The following CNNM2 variants were observed in gnomAD, a reference collection of about 807,000 sequenced individuals.
CNNM2 encodes the protein cyclin and CBS domain divalent metal cation transport mediator 2, also known as metal transporter CNNM2.
CNNM2 carries 12 observed loss-of-function variants against 66.9 expected under a neutral mutation model. The observed-to-expected ratio is 0.18, with a 90% CI of 0.11 to 0.29. The LOEUF is 0.29. Among genes scored for constraint, CNNM2 ranks in the 10% least tolerant of loss-of-function variants. CNNM2 has a pLI of 1.00. For missense variants in CNNM2, 705 were observed against 1,167.7 expected (o/e 0.60, Z 5.77); for synonymous variants, 557 against 501.8 (o/e 1.11, Z -1.47).
rs149670385 is a variant in CNNM2 at position 102,941,387 on chromosome 10, C to T, written c.1621+21286C>T. Among the ~76,000 whole-genome samples, 290 of 152,198 alleles carry T rather than the reference C, an allele frequency of 1.9e-3. 2 individuals carry two copies. Among genetic ancestry groups the T allele is most frequent in the Non-Finnish European group, 9.4e-4 (64 of 68,002 alleles). On this transcript the variant is annotated intron_variant, in intron 1 of 7. Coordinates refer to ENST00000369878, the MANE Select transcript of CNNM2 (RefSeq NM_017649.5). ...CCTACCAAAGTGCTGGGATTACAGGCGTGAGCCACTGTGCCCAGTTGATAT... is the reference window on the plus strand; with the variant it reads ...CCTACCAAAGTGCTGGGATTACAGGTGTGAGCCACTGTGCCCAGTTGATAT...
At chr10:103,051,057 G>A (rs1022590089) in intron 2 of CNNM2, among the ~76,000 whole-genome samples, 6 of 152,126 alleles carry the variant, frequency 3.9e-5, no homozygotes, top group Admixed American at 1.3e-4. Flanking sequence ...ATGGCTTGGC[G>A]GAGGGGAAAT....
intron 3 of CNNM2, among the ~76,000 whole-genome samples, chr10:103,056,341 C>G (rs1029616237): frequency 5.9e-5 from 9 of 151,850 alleles, no homozygotes; most frequent in Admixed American, 1.3e-4. Context: ...CCCCACATTC[C>G]TTGGGGTAGT....
chr10:103,058,646 A>G (rs1352107437), intron 4 of CNNM2, among the ~76,000 whole-genome samples: 2 of 152,218 alleles, frequency 1.3e-5, no homozygotes, highest in Non-Finnish European at 2.9e-5. Context: ...TTGTATACCA[A>G]TTTGTGTTAA....
At chr10:103,060,127 C>G (rs1264444218) in intron 4 of CNNM2, among the ~76,000 whole-genome samples, 1 of 150,812 alleles carries the variant, frequency 6.6e-6, no homozygotes, top group Non-Finnish European at 1.5e-5. Flanking sequence ...ACAGAGTGAG[C>G]ATGTCTCAAT....
chr10:102,964,074 A>C (rs2063424261), intron 1 of CNNM2, among the ~76,000 whole-genome samples: 1 of 152,236 alleles, frequency 6.6e-6, no homozygotes, highest in Non-Finnish European at 1.5e-5. Context: ...TGGACTTTAG[A>C]GTGCCTTAAT....
intron 1 of CNNM2, among the ~76,000 whole-genome samples, chr10:103,022,995 C>A (rs952049830): frequency 6.6e-6 from 1 of 152,062 alleles, no homozygotes; most frequent in Non-Finnish European, 1.5e-5. Flanking sequence ...ATTGACCTCC[C>A]GGGCTCAGGT....
chr10:103,064,762 C>T (rs2065447878), intron 4 of CNNM2, among the ~76,000 whole-genome samples: 1 of 152,164 alleles, frequency 6.6e-6, no homozygotes, highest in Admixed American at 6.5e-5. Flanking sequence ...GTTGCTTGAG[C>T]TCAGGAGTTC....
intron 1 of CNNM2, among the ~76,000 whole-genome samples, chr10:102,994,645 G>A (rs1011000877): frequency 1.3e-5 from 2 of 152,204 alleles, no homozygotes; most frequent in Non-Finnish European, 2.9e-5. Context: ...CACTGATCAG[G>A]AAGCCTCCAC....
intron 1 of CNNM2, among the ~76,000 whole-genome samples, chr10:103,029,206 G>A (rs2064773443): frequency 6.6e-6 from 1 of 151,034 alleles, no homozygotes; most frequent in African/African-American, 2.4e-5. Context: ...GCTCACACCT[G>A]TAATCCCAGT....
chr10:103,045,249 G>A (rs1379732414), intron 1 of CNNM2, among the ~76,000 whole-genome samples: 1 of 152,214 alleles, frequency 6.6e-6, no homozygotes. Context: ...TTGCTGATAA[G>A]TTTCCCTCCT....
intron 1 of CNNM2, among the ~76,000 whole-genome samples, chr10:102,964,941 C>T (rs774456696): frequency 6.6e-6 from 1 of 152,108 alleles, no homozygotes; most frequent in Non-Finnish European, 1.5e-5. Flanking sequence ...ATAAAAGAGG[C>T]TTCACTCAGC....
chr10:102,989,184 A>G (rs1468082946), intron 1 of CNNM2, among the ~76,000 whole-genome samples: 1 of 152,152 alleles, frequency 6.6e-6, no homozygotes, highest in Non-Finnish European at 1.5e-5. Flanking sequence ...TAAGCAAACT[A>G]CTGTTGCAAA....
rs1315682179 is a variant in CNNM2, at chr10:102,953,205, A to G, written c.1621+33104A>G. ...CAGTTTTTATTTAGATTGTTACTTAAAACTTATAATCTAGCACAATGGGAG... is the reference window on the plus strand; with the variant it reads ...CAGTTTTTATTTAGATTGTTACTTAGAACTTATAATCTAGCACAATGGGAG... On this transcript the variant is annotated intron_variant, in intron 1 of 7. Transcript: ENST00000369878. Among the ~76,000 whole-genome samples the G allele has an allele frequency of 2.6e-5, 4 of 152,206 alleles. No individual in the cohort carries two copies. In the East Asian group the frequency reaches 7.7e-4, roughly 29 times the overall value.
chr10:102,960,211 G>A (rs1358240349), intron 1 of CNNM2, among the ~76,000 whole-genome samples: 5 of 152,082 alleles, frequency 3.3e-5, no homozygotes, highest in Non-Finnish European at 5.9e-5. Flanking sequence ...TTTGAAAAAC[G>A]CTGATTTTCT....
intron 1 of CNNM2, among the ~76,000 whole-genome samples, chr10:102,939,866 G>A (rs940589822): frequency 5.9e-5 from 9 of 152,080 alleles, no homozygotes; most frequent in Non-Finnish European, 1.2e-4. Flanking sequence ...TACTCGGGAG[G>A]CTGAGGCAGG....
chr10:102,971,033 A>G (rs901084478), intron 1 of CNNM2, among the ~76,000 whole-genome samples: 2 of 151,826 alleles, frequency 1.3e-5, no homozygotes, highest in East Asian at 3.9e-4. Context: ...TCTACAAAAA[A>G]AAAAAAAATC....
chr10:102,951,645 T>C (rs1396240861), intron 1 of CNNM2, among the ~76,000 whole-genome samples: 2 of 151,498 alleles, frequency 1.3e-5, no homozygotes, highest in Admixed American at 1.3e-4. Flanking sequence ...TTTTTCTTTT[T>C]TTTTTTTTTT....
intron 1 of CNNM2, among the ~76,000 whole-genome samples, chr10:102,927,186 T>G (rs1305571097): frequency 6.6e-6 from 1 of 152,228 alleles, no homozygotes; most frequent in African/African-American, 2.4e-5. Context: ...TATATATATA[T>G]GTGTGTATGT....
chr10:103,076,890 C>T (rs1292374765), intron 7 of CNNM2, 81 bp from the exon 8 acceptor site: 7 of 1,271,052 alleles, frequency 5.5e-6, no homozygotes, highest in East Asian at 4.6e-5. Flanking sequence ...GTGGGCCTGT[C>T]GGGATTGAAC....
Sources: gnomAD v4.1 joint callset for allele counts (sites outside exome capture counted in the v4.1 genomes callset) on GRCh38, gnomAD v4.1.1 for gene constraint, MANE v1.5 for transcripts, NCBI Gene and HGNC (gene_info 2026-07-23, HGNC 2026-07-21) for gene names.